The following C11orf65 variants were observed in gnomAD, a reference collection of about 807,000 sequenced individuals.
C11orf65 encodes the protein protein MFI.
C11orf65 carries 38 observed loss-of-function variants against 35.3 expected under a neutral mutation model. The observed-to-expected ratio is 1.08, with a 90% CI of 0.83 to 1.41. The LOEUF is 1.41. Ranked by LOEUF, C11orf65 falls within the 40% of genes most tolerant of loss-of-function variation. C11orf65 has a pLI of 0.00. For missense variants in C11orf65, 370 were observed against 367.1 expected (o/e 1.01, Z -0.06); for synonymous variants, 105 against 114.4 (o/e 0.92, Z 0.53).
Position 108,459,617 on chromosome 11 carries a change from A to G in C11orf65, c.81+1862T>C, listed in dbSNP as rs2093446935. ...TTTAGTTTTCCAAAAATTAGATAAA[A>G]TTTTTATCTGCTCATGAACCCCCTT... On this transcript the variant is annotated intron_variant, in intron 2 of 8. Transcript: ENST00000393084. Among the ~76,000 whole-genome samples, 3 of 152,034 alleles carry G rather than the reference A, an allele frequency of 2.0e-5. No individual in the cohort carries two copies. The South Asian group carries it at 6.2e-4, about 32-fold the overall frequency.
At chr11:108,383,870 CTTTT>C (rs10563376) in intron 8 of C11orf65, among the ~76,000 whole-genome samples, 47 of 117,830 alleles carry the variant, frequency 4.0e-4, no homozygotes, top group Middle Eastern at 4.1e-3. Context: ...ATATTGTTTC[CTTTT>C]TTTTTTTTTT....
chr11:108,457,592 G>A (rs1037245704), intron 2 of C11orf65, among the ~76,000 whole-genome samples: 5 of 152,086 alleles, frequency 3.3e-5, no homozygotes, highest in East Asian at 1.9e-4. Flanking sequence ...GCAGTGAGCC[G>A]AGATTGCACC....
chr11:108,395,045 T>C (rs1342360259), intron 6 of C11orf65, among the ~76,000 whole-genome samples: 1 of 151,858 alleles, frequency 6.6e-6, no homozygotes, highest in African/African-American at 2.4e-5. Flanking sequence ...GTGGGAGAAT[T>C]GTTTGAGCCC....
At chr11:108,408,103 T>C (rs1420912462) in intron 3 of C11orf65, among the ~76,000 whole-genome samples, 1 of 151,316 alleles carries the variant, frequency 6.6e-6, no homozygotes, top group Non-Finnish European at 1.5e-5. Flanking sequence ...ACATGTGCCA[T>C]GCTGGTGCGC....
At chr11:108,394,853 A>T (rs149588821) in intron 6 of C11orf65, among the ~76,000 whole-genome samples, 2 of 152,162 alleles carry the variant, frequency 1.3e-5, no homozygotes, top group African/African-American at 4.8e-5. Context: ...AATCAGGGCC[A>T]GGTGTGGTAG....
At chr11:108,446,147 T>A (rs1055840047) in intron 2 of C11orf65, among the ~76,000 whole-genome samples, 1 of 152,084 alleles carries the variant, frequency 6.6e-6, no homozygotes, top group Non-Finnish European at 1.5e-5. Context: ...AGACCAAATC[T>A]ACGTCTGATT....
chr11:108,376,726 C>A (rs927100448), intron 2 of C11orf65, among the ~76,000 whole-genome samples: 1 of 152,046 alleles, frequency 6.6e-6, no homozygotes, highest in African/African-American at 2.4e-5. Context: ...AATTAATAGA[C>A]CGCTAGCAAG....
At chr11:108,423,550 C>T (rs141367658) in intron 3 of C11orf65, among the ~76,000 whole-genome samples, 1,627 of 152,252 alleles carry the variant, frequency 0.011, 36 homozygotes, top group African/African-American at 0.036. Context: ...GCACAGTGCT[C>T]GAGCTCTGCT....
chr11:108,381,996 A>G (rs1384570244), downstream of C11orf65, among the ~76,000 whole-genome samples: 1 of 151,956 alleles, frequency 6.6e-6, no homozygotes, highest in Non-Finnish European at 1.5e-5. Flanking sequence ...CACTCAAGCT[A>G]TCCTATGGGG....
chr11:108,311,532 C>A (rs1283203906), intron 6 of C11orf65, among the ~76,000 whole-genome samples: 1 of 152,058 alleles, frequency 6.6e-6, no homozygotes, highest in South Asian at 2.1e-4. Flanking sequence ...CTCAGCTCTA[C>A]TAAAAATAAA....
chr11:108,320,174 T>TGG, intron 6 of C11orf65: 4 of 780,736 alleles, frequency 5.1e-6, no homozygotes, highest in Non-Finnish European at 8.6e-6. Context: ...GATAAAGACT[T>TGG]GGTGGCTGTG....
chr11:108,315,621 A>C (rs1003547588), intron 6 of C11orf65, among the ~76,000 whole-genome samples: 5 of 152,200 alleles, frequency 3.3e-5, no homozygotes, highest in Admixed American at 6.5e-5. Flanking sequence ...AAAAATCCAC[A>C]TATAAGTTGT....
intron 2 of C11orf65, among the ~76,000 whole-genome samples, chr11:108,351,769 C>A (rs986603639): frequency 6.6e-6 from 1 of 152,218 alleles, no homozygotes; most frequent in African/African-American, 2.4e-5. Context: ...GTCATAGGGT[C>A]CATCCTGGTT....
intron 3 of C11orf65, among the ~76,000 whole-genome samples, chr11:108,411,169 G>A (rs1337700865): frequency 6.6e-6 from 1 of 151,978 alleles, no homozygotes; most frequent in Non-Finnish European, 1.5e-5. Flanking sequence ...CACATGTTTT[G>A]ATGTCACATT....
intron 2 of C11orf65, among the ~76,000 whole-genome samples, chr11:108,364,079 G>C (rs1162956740): frequency 1.3e-5 from 2 of 151,982 alleles, no homozygotes; most frequent in African/African-American, 4.8e-5. Flanking sequence ...TGGTCCTGGA[G>C]GACACTCAAA....
At chr11:108,388,208 C>A (rs1047812611) in intron 7 of C11orf65, among the ~76,000 whole-genome samples, 3 of 152,148 alleles carry the variant, frequency 2.0e-5, no homozygotes, top group African/African-American at 7.2e-5. Context: ...CAAACACTTA[C>A]CATAGCTAGG....
At chr11:108,417,812 ATG>A (rs2092761332) in intron 3 of C11orf65, among the ~76,000 whole-genome samples, 1 of 152,286 alleles carries the variant, frequency 6.6e-6, no homozygotes, top group Non-Finnish European at 1.5e-5. Flanking sequence ...GAAATACCTA[ATG>A]TAGATGATGG....
chr11:108,334,519 TC>T (rs2136636192), intron 3 of C11orf65, among the ~76,000 whole-genome samples: 1 of 152,256 alleles, frequency 6.6e-6, no homozygotes, highest in African/African-American at 2.4e-5. Context: ...TAGAAAATGA[TC>T]ATCTTAAATA....
At chr11:108,373,842 G>A (rs963061895) in intron 2 of C11orf65, among the ~76,000 whole-genome samples, 12 of 152,224 alleles carry the variant, frequency 7.9e-5, no homozygotes, top group Non-Finnish European at 1.2e-4. Context: ...CTTTTCCGAC[G>A]GGCTTAGGAA....
Sources: gnomAD v4.1 joint callset for allele counts (sites outside exome capture counted in the v4.1 genomes callset) on GRCh38, gnomAD v4.1.1 for gene constraint, MANE v1.5 for transcripts, NCBI Gene and HGNC (gene_info 2026-07-23, HGNC 2026-07-21) for gene names.